Variants in PAQR3 observed in about 807,000 individuals in gnomAD.
The protein encoded by PAQR3 is Raf kinase trapping to Golgi.
Under a neutral mutation model 41.7 loss-of-function variants are expected in PAQR3, and 39 were observed. That is an observed-to-expected ratio of 0.93 (90% CI 0.72 to 1.22). PAQR3 has a LOEUF of 1.22. Among genes scored for constraint, PAQR3 ranks in the 50% most tolerant of loss-of-function variants. PAQR3 has a pLI of 0.00. For synonymous variants in PAQR3, 140 were observed against 140.6 expected (o/e 1.00, Z 0.03); for missense variants, 366 against 385.6 (o/e 0.95, Z 0.42).
chr4:78,900,351 T>C (rs186614527), intron 11 of PAQR3, among the ~76,000 whole-genome samples: 21 of 152,334 alleles, frequency 1.4e-4, no homozygotes, highest in African/African-American at 4.6e-4. Context: ...ACATGGATTT[T>C]TGACTGTGTC....
chr4:78,932,495 G>A (rs977411875), intron 2 of PAQR3, among the ~76,000 whole-genome samples: 2 of 152,114 alleles, frequency 1.3e-5, no homozygotes, highest in African/African-American at 4.8e-5. Context: ...AAGGGAGCAG[G>A]CAGGTAGGCA....
chr4:78,923,526 A>C lies in PAQR3; in HGVS notation c.793+331T>G. On this transcript the variant is annotated intron_variant, in intron 5 of 5. Coordinates refer to ENST00000512733, the MANE Select transcript of PAQR3 (RefSeq NM_001040202.2). ...AATTACTTTTAAAGAACCAGCTGGCATATAGAGAAGTAAATGGTAGTTGAC... is the reference window on the plus strand; with the variant it reads ...AATTACTTTTAAAGAACCAGCTGGCCTATAGAGAAGTAAATGGTAGTTGAC... 3 of 308,932 alleles carry C rather than the reference A, an allele frequency of 9.7e-6. No individual in the cohort carries two copies. The South Asian group carries it at 1.2e-4, about 12-fold the overall frequency. The allele number at this position is 308,932 out of a possible 1,614,324, so 19.1% of individuals were successfully genotyped here. A position where few individuals can be genotyped will look rare whatever the true frequency, so the allele number is the denominator to read the frequency against.
chr4:78,920,580 T>C lies in PAQR3; in HGVS notation c.895A>G (p.Arg299Gly). 6.2e-7 allele frequency: 1 copy of C among 1,611,568 alleles called. No individual in the cohort carries two copies. The change falls in exon 6 of 6, where the codon AGA (arginine) becomes GGA (glycine). Residue 299 changes from arginine (R) to glycine (G), a missense_variant. Transcript: ENST00000512733. ...TAGTCAGGACAAGGCTTGCTATGTC[T>C]GTACTGCATGACATACACTGTTGAC... ...HQSTVYVMQY[R>G]HSKPCPDYVS...
rs1346511385 is a variant in PAQR3, at chr4:78,912,159, T to C, written c.*8380A>G. The C allele has an allele frequency of 7.0e-6, 6 of 859,596 alleles. No individual in the cohort carries two copies. Among genetic ancestry groups the C allele is most frequent in the Admixed American group, 5.1e-5 (2 of 39,156 alleles). The allele number at this position is 859,596 out of a possible 1,614,324, so 53.2% of individuals were successfully genotyped here. ...CTTAAAGATCAGTCAGAATAGGTGA[T>C]TTCTAAATAAACCAAATAGAAGAAT... is the stretch of plus-strand genomic sequence containing the variant. On this transcript the variant is annotated 3_prime_UTR_variant, in exon 6 of 6. Coordinates refer to ENST00000512733, the MANE Select transcript of PAQR3 (RefSeq NM_001040202.2).
chr4:78,911,969 C>T lies in PAQR3; in HGVS notation c.*8570G>A, dbSNP rs372459906. ...GTGCAAAGCATCACTCCACATCAGTCCCAACAGTCCCAACCAGTCGAATTA... is the reference window on the plus strand; with the variant it reads ...GTGCAAAGCATCACTCCACATCAGTTCCAACAGTCCCAACCAGTCGAATTA... On this transcript the variant is annotated 3_prime_UTR_variant, in exon 6 of 6. Coordinates refer to ENST00000512733, the MANE Select transcript of PAQR3 (RefSeq NM_001040202.2). 75 of 1,613,796 alleles carry T rather than the reference C, an allele frequency of 4.6e-5. No individual in the cohort carries two copies. Among genetic ancestry groups the T allele is most frequent in the Non-Finnish European group, 6.3e-5 (74 of 1,179,844 alleles).
Position 78,912,086 on chromosome 4 carries a change from G to GT in PAQR3, c.*8452dup. Reference sequence around the variant, plus strand: ...CTCCTGTTTCAAAAAAGTGTGAACAGTTTTATGAATTTGAAAGAAAATTTG... The same window carrying GT: ...CTCCTGTTTCAAAAAAGTGTGAACAGTTTTTATGAATTTGAAAGAAAATTTG... On this transcript the variant is annotated 3_prime_UTR_variant, in exon 6 of 6. Transcript: ENST00000512733. The GT allele has an allele frequency of 6.7e-7, 1 of 1,483,608 alleles. No individual in the cohort carries two copies. Among genetic ancestry groups the GT allele is most frequent in the East Asian group, 2.3e-5 (1 of 43,922 alleles). The allele number at this position is 1,483,608 out of a possible 1,614,324, so 91.9% of individuals were successfully genotyped here.
rs1051200787 is a variant in PAQR3 at position 78,916,388 on chromosome 4, T to C, written c.*4151A>G. 6.6e-6 allele frequency: 1 copy of C among 151,944 alleles called. No individual in the cohort carries two copies. The highest frequency in any genetic ancestry group is 1.5e-5 in the Non-Finnish European group (1 of 67,884). The allele number at this position is 151,944 out of a possible 1,614,324, so 9.4% of individuals were successfully genotyped here. On this transcript the variant is annotated 3_prime_UTR_variant, in exon 6 of 6. Transcript: ENST00000512733. ...TAATCAGTGACTTTGGAGTTTTTCA[T>C]TATTTGTCTTATTATGACTTTTGGA...
downstream of PAQR3, among the ~76,000 whole-genome samples, chr4:78,909,363 AT>A (rs936033561): frequency 9.0e-5 from 5 of 55,572 alleles, no homozygotes; most frequent in African/African-American, 2.2e-4. Context: ...TAGAGCAGTC[AT>A]TTTTTTTTAT....
rs1292655911 is a variant in PAQR3, at chr4:78,919,394, T to C, written c.*1145A>G. 5 of 984,418 alleles carry C rather than the reference T, an allele frequency of 5.1e-6. No individual in the cohort carries two copies. In the African/African-American group the frequency reaches 7.0e-5, roughly 14 times the overall value. The allele number at this position is 984,418 out of a possible 1,614,324, so 61.0% of individuals were successfully genotyped here. On this transcript the variant is annotated 3_prime_UTR_variant, in exon 6 of 6. Transcript: ENST00000512733. ...AGAATAAGAGGGCTACAATGTATGA[T>C]AGGGCAGTGAGTTCTATTTTTTAAG...
At chr4:78,921,884 A>G in intron 5 of PAQR3, 1 of 984,996 alleles carries the variant, frequency 1.0e-6, no homozygotes, top group Non-Finnish European at 1.2e-6. Context: ...CAAACTCAAT[A>G]TGCTCTGCTA....
In PAQR3 at chr4:78,917,000, G is replaced by C. The variant is rs1443839358; in HGVS notation, c.*3539C>G. 1 of 151,790 alleles carries C rather than the reference G, an allele frequency of 6.6e-6. No individual in the cohort carries two copies. Among genetic ancestry groups the C allele is most frequent in the Non-Finnish European group, 1.5e-5 (1 of 67,828 alleles). 9.4% of individuals were successfully genotyped at this position (151,790 alleles called of 1,614,324 possible). A position where few individuals can be genotyped will look rare whatever the true frequency, so the allele number is the denominator to read the frequency against. Reference sequence around the variant, plus strand: ...AAGTTATGTGAAAAAAAGGGGCTTTGTATCTTTTTAATGAAAATGAATGGT... The same window carrying C: ...AAGTTATGTGAAAAAAAGGGGCTTTCTATCTTTTTAATGAAAATGAATGGT... On this transcript the variant is annotated 3_prime_UTR_variant, in exon 6 of 6. Transcript: ENST00000512733.
intron 11 of PAQR3, among the ~76,000 whole-genome samples, chr4:78,896,049 C>G (rs1278580489): frequency 6.6e-6 from 1 of 152,178 alleles, no homozygotes; most frequent in African/African-American, 2.4e-5. Context: ...GTGAGCCATC[C>G]TGCCAAGTCC....
In PAQR3 at chr4:78,919,593, C is replaced by T. The variant is rs115954527; in HGVS notation, c.*946G>A. The T allele has an allele frequency of 1.1e-3, 1,069 of 985,082 alleles. 8 individuals carry two copies. In the African/African-American group the frequency reaches 0.017, roughly 16 times the overall value. The allele number at this position is 985,082 out of a possible 1,614,324, so 61.0% of individuals were successfully genotyped here. A position where few individuals can be genotyped will look rare whatever the true frequency, so the allele number is the denominator to read the frequency against. On this transcript the variant is annotated 3_prime_UTR_variant, in exon 6 of 6. Coordinates refer to ENST00000512733, the MANE Select transcript of PAQR3 (RefSeq NM_001040202.2). ...TGACTTTGTTCTAAGGCTTAAGGTTCATTTCAGGGTCAAGACAGGGCCATC... is the reference window on the plus strand; with the variant it reads ...TGACTTTGTTCTAAGGCTTAAGGTTTATTTCAGGGTCAAGACAGGGCCATC...
chr4:78,933,612 A>G (rs1737138304), intron 2 of PAQR3, among the ~76,000 whole-genome samples: 1 of 152,204 alleles, frequency 6.6e-6, no homozygotes, highest in Non-Finnish European at 1.5e-5. Flanking sequence ...TGTCTTTAGT[A>G]AGTTGTACAG....
intron 2 of PAQR3, among the ~76,000 whole-genome samples, chr4:78,934,520 G>A (rs1180888228): frequency 1.3e-5 from 2 of 152,130 alleles, no homozygotes; most frequent in East Asian, 3.8e-4. Flanking sequence ...AAAATTATCT[G>A]TTTGAAATCT....
At chr4:78,933,160 C>T (rs886276224) in intron 2 of PAQR3, 1 of 456,108 alleles carries the variant, frequency 2.2e-6, no homozygotes, top group African/African-American at 2.0e-5. Context: ...CTTCTGCACA[C>T]CTACGAGTGG....
At chr4:78,890,573 C>G (rs948921229) in intron 11 of PAQR3, among the ~76,000 whole-genome samples, 18 of 152,044 alleles carry the variant, frequency 1.2e-4, no homozygotes, top group Non-Finnish European at 2.6e-4. Context: ...CTTTGTTTTT[C>G]CTGGAGTTAA....
chr4:78,922,154 T>G (rs938302866), intron 5 of PAQR3: 2 of 1,031,546 alleles, frequency 1.9e-6, no homozygotes, highest in African/African-American at 3.4e-5. Flanking sequence ...AATTGTTTTC[T>G]GTAATTCTGG....
rs1734818324 is a variant in PAQR3 at position 78,913,823 on chromosome 4, A to G, written c.*6716T>C. 1 of 152,114 alleles carries G rather than the reference A, an allele frequency of 6.6e-6. No individual in the cohort carries two copies. The highest frequency in any genetic ancestry group is 1.5e-5 in the Non-Finnish European group (1 of 67,994). The allele number at this position is 152,114 out of a possible 1,614,324, so 9.4% of individuals were successfully genotyped here. A position where few individuals can be genotyped will look rare whatever the true frequency, so the allele number is the denominator to read the frequency against. ...GTGAATCACAATGTAGCAGAGGCAGACCAAGCATTACATTATTATTTAGAG... is the reference window on the plus strand; with the variant it reads ...GTGAATCACAATGTAGCAGAGGCAGGCCAAGCATTACATTATTATTTAGAG... On this transcript the variant is annotated 3_prime_UTR_variant, in exon 6 of 6. Transcript: ENST00000512733.
Sources: allele counts gnomAD v4.1 joint callset (sites outside exome capture counted in the v4.1 genomes callset), GRCh38; gene constraint gnomAD v4.1.1; transcripts MANE v1.5; gene names NCBI Gene and HGNC (gene_info 2026-07-23, HGNC 2026-07-21).